The following WWC2 variants were observed in gnomAD, a reference collection of about 807,000 sequenced individuals.
WWC2 encodes the protein WW and C2 domain containing 2.
A neutral mutation model predicts 138.5 loss-of-function variants in WWC2; 101 were observed. That is an observed-to-expected ratio of 0.73 (90% CI 0.62 to 0.86). The LOEUF (loss-of-function observed/expected upper bound fraction) is 0.86. WWC2 is among the 40% of genes least tolerant of loss of function. WWC2 has a pLI of 0.00. For missense variants in WWC2, 1,420 were observed against 1,419.4 expected (o/e 1.00, Z -0.01); for synonymous variants, 558 against 538.4 (o/e 1.04, Z -0.50).
chr4:183,130,027 G>A (rs1382173821), intron 1 of WWC2, among the ~76,000 whole-genome samples: 1 of 150,924 alleles, frequency 6.6e-6, no homozygotes, highest in Non-Finnish European at 1.5e-5. Flanking sequence ...CTCTTATTTG[G>A]TATAACACTC....
chr4:183,276,132 C>T (rs1737849487), intron 16 of WWC2, among the ~76,000 whole-genome samples: 1 of 152,062 alleles, frequency 6.6e-6, no homozygotes, highest in Admixed American at 6.6e-5. Context: ...AGTAAAGCTA[C>T]ATATCAGCCT....
intron 1 of WWC2, among the ~76,000 whole-genome samples, chr4:183,112,830 A>G (rs1395891310): frequency 6.6e-6 from 1 of 152,158 alleles, no homozygotes; most frequent in Non-Finnish European, 1.5e-5. Context: ...CTATGAGGAT[A>G]AGAAGGAGCC....
intron 1 of WWC2, among the ~76,000 whole-genome samples, chr4:183,144,126 T>G (rs950399775): frequency 1.3e-5 from 2 of 152,244 alleles, no homozygotes; most frequent in African/African-American, 4.8e-5. Flanking sequence ...AGTTGATATG[T>G]CACTTGCATT....
chr4:183,276,823 G>GT (rs143876923), intron 16 of WWC2, among the ~76,000 whole-genome samples: 13,045 of 151,922 alleles, frequency 0.086, 719 homozygotes, highest in South Asian at 0.17. Flanking sequence ...GTGAAGGATA[G>GT]TTTTTTTGCT....
chr4:183,282,840 G>A lies in WWC2; in HGVS notation c.2817G>A (p.Gly939=). The A allele has an allele frequency of 2.5e-6, 4 of 1,591,526 alleles. No individual in the cohort carries two copies. Among genetic ancestry groups the A allele is most frequent in the Non-Finnish European group, 3.4e-6 (4 of 1,168,588 alleles). Residue 939 remains glycine, a synonymous_variant, in exon 18 of 23, where the codon GGG becomes GGA. Transcript: ENST00000403733. ...CTSVPEMNED[G]NRKESNCAKD... is the part of the protein sequence containing the mutation. The stretch of plus-strand genomic sequence containing the variant: ...GTGTGCCTGAGATGAATGAAGACGG[G>A]AACAGGAAAGAAAGCAACTGTGCCA...
At chr4:183,245,915 A>C (rs1182334521) in intron 6 of WWC2, among the ~76,000 whole-genome samples, 1 of 152,196 alleles carries the variant, frequency 6.6e-6, no homozygotes, top group East Asian at 1.9e-4. Flanking sequence ...CAAGGGATAT[A>C]TCATTTGCCA....
At chr4:183,258,665 G>A (rs1737227623) in intron 9 of WWC2, among the ~76,000 whole-genome samples, 1 of 152,124 alleles carries the variant, frequency 6.6e-6, no homozygotes, top group Non-Finnish European at 1.5e-5. Context: ...AGCCTTACCA[G>A]GGAGACACAG....
chr4:183,269,189 C>G (rs947573629), intron 15 of WWC2, 26 bp downstream of exon 15: 3 of 1,519,000 alleles, frequency 2.0e-6, no homozygotes, highest in South Asian at 2.4e-5. Flanking sequence ...ATTCCCATTA[C>G]CAAATAGCAC....
At chr4:183,291,115 G>C (rs1408380771) in intron 21 of WWC2, among the ~76,000 whole-genome samples, 1 of 152,238 alleles carries the variant, frequency 6.6e-6, no homozygotes, top group East Asian at 1.9e-4. Context: ...AGTGAATACA[G>C]GATAATTAGG....
chr4:183,176,882 C>A (rs1027791815), intron 1 of WWC2, among the ~76,000 whole-genome samples: 2 of 152,162 alleles, frequency 1.3e-5, no homozygotes, highest in Admixed American at 1.3e-4. Context: ...CTGTGCCCTC[C>A]TCATGGAGGA....
At chr4:183,247,481 A>ATATACTATATATACTATT (rs1287916611) in intron 6 of WWC2, among the ~76,000 whole-genome samples, 1 of 144,862 alleles carries the variant, frequency 6.9e-6, no homozygotes, top group Non-Finnish European at 1.5e-5. Context: ...CCTCATATAT[A>ATATACTATATATACTATT]TATACTATAT....
intron 1 of WWC2, among the ~76,000 whole-genome samples, chr4:183,130,385 T>G (rs1485959108): frequency 6.6e-6 from 1 of 152,164 alleles, no homozygotes; most frequent in East Asian, 1.9e-4. Context: ...AAAAAAATTA[T>G]GTGTGGCTGG....
chr4:183,221,093 G>C (rs184031952), intron 4 of WWC2, among the ~76,000 whole-genome samples: 6 of 152,230 alleles, frequency 3.9e-5, no homozygotes, highest in Admixed American at 2.6e-4. Flanking sequence ...GGCCTAGATA[G>C]GTTAATTAAA....
chr4:183,228,957 A>T (rs894956767), intron 4 of WWC2, among the ~76,000 whole-genome samples: 4 of 152,124 alleles, frequency 2.6e-5, no homozygotes, highest in African/African-American at 9.7e-5. Flanking sequence ...AGCTAGACAC[A>T]GAAGAGTACA....
intron 4 of WWC2, among the ~76,000 whole-genome samples, chr4:183,229,736 G>A (rs1247325179): frequency 6.6e-6 from 1 of 152,060 alleles, no homozygotes; most frequent in Non-Finnish European, 1.5e-5. Flanking sequence ...TAAATGAATA[G>A]GTCATTAAAG....
intron 1 of WWC2, among the ~76,000 whole-genome samples, chr4:183,115,001 G>GT (rs1031859879): frequency 2.6e-5 from 4 of 152,188 alleles, no homozygotes; most frequent in Admixed American, 6.5e-5. Context: ...CCCATAGGTA[G>GT]TTTTTTGATC....
chr4:183,289,080 A>C (rs1414534132), intron 20 of WWC2, among the ~76,000 whole-genome samples: 3 of 152,258 alleles, frequency 2.0e-5, no homozygotes, highest in African/African-American at 7.2e-5. Flanking sequence ...GCAGGTTGGC[A>C]GGAGGTCCTG....
chr4:183,183,095 C>T (rs2111188318), intron 1 of WWC2, among the ~76,000 whole-genome samples: 1 of 152,214 alleles, frequency 6.6e-6, no homozygotes, highest in South Asian at 2.1e-4. Flanking sequence ...GCAGCTGATC[C>T]CTGTGGAGGT....
chr4:183,121,925 A>G (rs1205618426), intron 1 of WWC2, among the ~76,000 whole-genome samples: 2 of 151,818 alleles, frequency 1.3e-5, no homozygotes, highest in Non-Finnish European at 1.5e-5. Flanking sequence ...AGCTGGGACT[A>G]TAGGCACCTG....
Sources: allele counts gnomAD v4.1 joint callset (sites outside exome capture counted in the v4.1 genomes callset), GRCh38; gene constraint gnomAD v4.1.1; transcripts MANE v1.5; gene names NCBI Gene and HGNC (gene_info 2026-07-23, HGNC 2026-07-21).